Variants in RSAD2 observed in about 807,000 individuals in gnomAD.
The protein encoded by RSAD2 is radical S-adenosyl methionine domain containing 2.
A neutral mutation model predicts 37.7 loss-of-function variants in RSAD2; 38 were observed. That is an observed-to-expected ratio of 1.01 (90% CI 0.78 to 1.32). The LOEUF is 1.32. RSAD2 is among the 40% of genes most tolerant of loss of function. The pLI, the probability that RSAD2 is intolerant of heterozygous loss-of-function variation, is 0.00. For synonymous variants in RSAD2, 163 were observed against 157.4 expected, an observed-to-expected ratio of 1.04 and a Z score of -0.27; for missense variants, 428 against 437.5, an observed-to-expected ratio of 0.98 and a Z score of 0.19.
Position 6,887,707 on chromosome 2 carries a change from G to A in RSAD2, c.738+543G>A, listed in dbSNP as rs536229469. Among the ~76,000 whole-genome samples, 8 of 152,312 alleles carry A rather than the reference G, an allele frequency of 5.3e-5. No individual in the cohort carries two copies. The South Asian group carries it at 8.3e-4, about 16-fold the overall frequency. On this transcript the variant is annotated intron_variant, in intron 3 of 5. Transcript: ENST00000382040. ...AGCTCCCACTCTGTGCAGACATCAT[G>A]ACTAAAATCCCAGTTTTCTACCTTT...
At chr2:6,870,461 C>T (rs1258216093) in intron 1 of RSAD2, among the ~76,000 whole-genome samples, 2 of 152,126 alleles carry the variant, frequency 1.3e-5, no homozygotes, top group African/African-American at 2.4e-5. Context: ...TAATGAGGGT[C>T]GAGAGGTCCT....
intron 1 of RSAD2, among the ~76,000 whole-genome samples, chr2:6,870,822 G>A (rs1169309362): frequency 2.0e-5 from 3 of 152,210 alleles, no homozygotes; most frequent in African/African-American, 7.2e-5. Flanking sequence ...GAGCAAGTTT[G>A]TCAGGTCACT....
chr2:6,879,840 C>G (rs961101499), intron 1 of RSAD2, among the ~76,000 whole-genome samples: 8 of 151,952 alleles, frequency 5.3e-5, no homozygotes, highest in Non-Finnish European at 1.0e-4. Context: ...GGAGATATGT[C>G]GAGGGAAATT....
At chr2:6,871,898 TA>T in intron 1 of RSAD2, among the ~76,000 whole-genome samples, 1 of 152,314 alleles carries the variant, frequency 6.6e-6, no homozygotes, top group Non-Finnish European at 1.5e-5. Context: ...ATCAGAAAAA[TA>T]TGCATATATT....
At chr2:6,890,004 C>G (rs978674217) in intron 3 of RSAD2, among the ~76,000 whole-genome samples, 172 bp from the exon 4 acceptor site, 4 of 152,114 alleles carry the variant, frequency 2.6e-5, no homozygotes, top group African/African-American at 9.7e-5. Context: ...CACCATATTC[C>G]TAAATTTCAG....
rs1663815741 is a variant in RSAD2, at chr2:6,898,009, A to G, written c.*2067A>G. On this transcript the variant is annotated 3_prime_UTR_variant, in exon 6 of 6. Transcript: ENST00000382040. ...GACTCCGTCTCAAAAAAAAAAAAAA[A>G]AAAAAGCAAGAGAGTTCAACTAAGA... 1 of 152,032 alleles carries G rather than the reference A, an allele frequency of 6.6e-6. No individual in the cohort carries two copies. The highest frequency in any genetic ancestry group is 2.1e-4 in the South Asian group (1 of 4,818). 9.4% of individuals were successfully genotyped at this position (152,032 alleles called of 1,614,324 possible). A position where few individuals can be genotyped will look rare whatever the true frequency, so the allele number is the denominator to read the frequency against.
At chr2:6,893,146 C>T (rs1298269702) in intron 4 of RSAD2, among the ~76,000 whole-genome samples, 1 of 152,136 alleles carries the variant, frequency 6.6e-6, no homozygotes, top group Non-Finnish European at 1.5e-5. Flanking sequence ...AGAAGGAATA[C>T]CTTCCCATCA....
At chr2:6,887,622 C>T (rs1228804270) in intron 3 of RSAD2, among the ~76,000 whole-genome samples, 1 of 152,184 alleles carries the variant, frequency 6.6e-6, no homozygotes, top group Non-Finnish European at 1.5e-5. Flanking sequence ...CCTTTATTCC[C>T]AGATTCATGC....
At chr2:6,886,891 T>C in intron 2 of RSAD2, 44 bp from the exon 3 acceptor site, 1 of 1,447,466 alleles carries the variant, frequency 6.9e-7, no homozygotes, top group Non-Finnish European at 9.7e-7. Context: ...CCAAGGGGCT[T>C]GGTCCTTGGA....
At chr2:6,879,902 A>G (rs1663366281) in intron 1 of RSAD2, among the ~76,000 whole-genome samples, 1 of 152,198 alleles carries the variant, frequency 6.6e-6, no homozygotes, top group African/African-American at 2.4e-5. Context: ...AACATTTACT[A>G]GATTTGTCAA....
intron 3 of RSAD2, among the ~76,000 whole-genome samples, chr2:6,889,438 C>T (rs1663587770): frequency 6.6e-6 from 1 of 152,166 alleles, no homozygotes; most frequent in African/African-American, 2.4e-5. Context: ...AATTTCTTCT[C>T]ATCTGACTAT....
chr2:6,893,777 T>C, intron 5 of RSAD2, 74 bp downstream of exon 5: 1 of 1,014,656 alleles, frequency 9.9e-7, no homozygotes, highest in Non-Finnish European at 1.5e-6. Flanking sequence ...TTGAGTTCCA[T>C]GAGCATAACT....
exon 1 of RSAD2, chr2:6,866,031 G>A: frequency 2.3e-6 from 1 of 432,780 alleles, no homozygotes; most frequent in Non-Finnish European, 3.7e-6. Flanking sequence ...GAGGCCCCGC[G>A]CCGTCGGCCC....
chr2:6,877,181 T>C (rs960345369), upstream of RSAD2: 5 of 152,348 alleles, frequency 3.3e-5, no homozygotes, highest in East Asian at 1.9e-4. Context: ...TATAGGAAGA[T>C]GTAAATATCT....
Position 6,895,945 on chromosome 2 carries a change from C to G in RSAD2, c.*3C>G, listed in dbSNP as rs201945044. 6.2e-7 allele frequency: 1 copy of G among 1,612,176 alleles called. No individual in the cohort carries two copies. Among genetic ancestry groups the G allele is most frequent in the African/African-American group, 1.3e-5 (1 of 74,984 alleles). On this transcript the variant is annotated 3_prime_UTR_variant, in exon 6 of 6. Coordinates refer to ENST00000382040, the MANE Select transcript of RSAD2 (RefSeq NM_080657.5). ...CTGATCTGAAGCTGGATTGGTAGAG[C>G]GGAAAGTGGAACGAGACTTCAACAC... is the stretch of plus-strand genomic sequence containing the variant.
upstream of RSAD2, among the ~76,000 whole-genome samples, chr2:6,874,104 G>A (rs1316456376): frequency 1.3e-5 from 2 of 152,090 alleles, no homozygotes; most frequent in Non-Finnish European, 1.5e-5. Context: ...AGATCTGATC[G>A]TTTAAAAGTG....
intron 2 of RSAD2, among the ~76,000 whole-genome samples, chr2:6,885,462 C>G (rs770260135): frequency 6.6e-6 from 1 of 152,144 alleles, no homozygotes; most frequent in Non-Finnish European, 1.5e-5. Flanking sequence ...CCCCATTGCT[C>G]CAGGTTTATA....
Position 6,891,322 on chromosome 2 carries a change from T to C in RSAD2, c.888+997T>C, listed in dbSNP as rs184274641. 2.8e-3 allele frequency among the ~76,000 whole-genome samples: 423 copies of C among 152,200 alleles called. 2 individuals are homozygous for C. Among genetic ancestry groups the C allele is most frequent in the African/African-American group, 9.5e-3 (395 of 41,514 alleles). On this transcript the variant is annotated intron_variant, in intron 4 of 5. Transcript: ENST00000382040. The stretch of plus-strand genomic sequence containing the variant: ...GGCAAGTTCATATTGTTAGCAAGAG[T>C]ATAAATTATTGCAACTTTCCTAGAA...
intron 4 of RSAD2, 89 bp from the exon 5 acceptor site, chr2:6,893,582 A>G (rs1663673908): frequency 2.9e-6 from 3 of 1,041,810 alleles, no homozygotes; most frequent in African/African-American, 1.6e-5. Context: ...ATCCAAAACA[A>G]TACAATGCAA....
Sources: allele counts gnomAD v4.1 joint callset (sites outside exome capture counted in the v4.1 genomes callset), GRCh38; gene constraint gnomAD v4.1.1; transcripts MANE v1.5; gene names NCBI Gene and HGNC (gene_info 2026-07-23, HGNC 2026-07-21).